The following TUBGCP5 variants were observed in gnomAD, a reference collection of about 807,000 sequenced individuals.
TUBGCP5 encodes tubulin gamma complex component 5.
Under a neutral mutation model 134.7 loss-of-function variants are expected in TUBGCP5, and 98 were observed. The observed-to-expected ratio is 0.73, with a 90% confidence interval of 0.62 to 0.86. The LOEUF is 0.86. TUBGCP5 is among the 40% of genes least tolerant of loss of function. The probability of loss-of-function intolerance (pLI) is 0.00; values close to 1 mark genes in which losing one functional copy is unlikely to be tolerated. For synonymous variants in TUBGCP5, 456 were observed against 431.4 expected (o/e 1.06, Z -0.71); for missense variants, 1,150 against 1,244.8 (o/e 0.92, Z 1.15).
In TUBGCP5 at chr15:23,036,878, C is replaced by T. The variant is rs191350739; in HGVS notation, c.309+19G>A. 2,778 of 1,435,646 alleles carry T rather than the reference C, an allele frequency of 1.9e-3. 9 individuals carry two copies. Among genetic ancestry groups the T allele is most frequent in the Non-Finnish European group, 1.9e-3 (1,945 of 1,026,110 alleles). 88.9% of individuals were successfully genotyped at this position (1,435,646 alleles called of 1,614,324 possible). On this transcript the variant is annotated intron_variant, in intron 3 of 22. Coordinates refer to ENST00000615383, the MANE Select transcript of TUBGCP5 (RefSeq NM_052903.6). ...AAACAGTAAAATACACAGTGGAGAT[C>T]TCATAATTGAAGGCATACCTTTATT... is the stretch of plus-strand genomic sequence containing the variant.
rs2064316444 is a variant in TUBGCP5, at chr15:23,000,624, A to G, written c.2973T>C (p.His991=). 6.2e-7 allele frequency: 1 copy of G among 1,608,704 alleles called. No homozygotes were observed. The highest frequency in any genetic ancestry group is 1.1e-5 in the South Asian group (1 of 90,330). ...EKMESDFKNC[H]MFLVTILNKA... ...TGTTTAAAATGGTTACAAGAAACAT[A>G]TGGCAGTTTTTAAAATCAGATTCCA... The change falls in exon 22 of 23, where the codon CAT becomes CAC. Residue 991 remains histidine (H), a synonymous_variant. Coordinates refer to ENST00000615383, the MANE Select transcript of TUBGCP5 (RefSeq NM_052903.6).
intron 13 of TUBGCP5, among the ~76,000 whole-genome samples, chr15:23,011,748 T>C (rs2065044753): frequency 7.0e-6 from 1 of 143,566 alleles, no homozygotes; most frequent in Admixed American, 6.9e-5. Flanking sequence ...TGAGCTTAAG[T>C]GATCCACCCG....
In TUBGCP5 at chr15:23,026,171, C is replaced by T. The variant is rs145668941; in HGVS notation, c.772G>A (p.Val258Ile). Residue 258 changes from valine to isoleucine, a missense_variant, in exon 8 of 23, where the codon GTT becomes ATT. Physicochemically the swap from Val to Ile is conservative, Grantham distance 29. Around this residue, in one of 2 missense-constraint regions of TUBGCP5, gnomAD observed 453 missense variants for 394.7 expected, o/e 1.15. Transcript: ENST00000615383. Reference protein sequence around the residue: ...QHLYSSDPLYVPDDRVLVTET... With the variant: ...QHLYSSDPLYIPDDRVLVTET... ...GTAACCAAAACCCTGTCATCTGGAA[C>T]ATACAATGGATCACTGCTGTACAAG... 9.8e-3 allele frequency: 15,850 copies of T among 1,611,894 alleles called. 137 individuals are homozygous for T. The highest frequency in any genetic ancestry group is 0.012 in the Non-Finnish European group (14,083 of 1,179,348).
intron 23 of TUBGCP5, among the ~76,000 whole-genome samples, chr15:22,985,586 T>C (rs1406723833): frequency 6.6e-6 from 1 of 152,030 alleles, no homozygotes; most frequent in African/African-American, 2.4e-5. Flanking sequence ...AGTGCACAAA[T>C]AGGAGAATGG....
rs758564705 is a variant in TUBGCP5, at chr15:23,022,121, T to C, written c.1209A>G (p.Ala403=). 8.7e-6 allele frequency: 14 copies of C among 1,614,190 alleles called. No homozygotes were observed. The highest frequency in any genetic ancestry group is 1.2e-5 in the Non-Finnish European group (14 of 1,180,038). The part of the protein sequence containing the change: ...ITLAIVVDKL[A]PRLSQLKVLH... ...GAACCTTGAGCTGAGACAATCGAGG[T>C]GCCAACTTGTCCACCACTATTGCAA... The change falls in exon 11 of 23, where the codon GCA becomes GCG. Residue 403 remains alanine, a synonymous_variant. Coordinates refer to ENST00000615383, the MANE Select transcript of TUBGCP5 (RefSeq NM_052903.6).
intron 23 of TUBGCP5, among the ~76,000 whole-genome samples, chr15:22,989,471 AC>A (rs554886882): frequency 3.5e-4 from 42 of 120,992 alleles, no homozygotes; most frequent in South Asian, 9.5e-4. Context: ...ACCACAACCC[AC>A]CCCCTGTTAA....
In TUBGCP5 at chr15:23,036,891, G is replaced by A. The variant is rs778069098; in HGVS notation, c.309+6C>T. 12 of 1,528,890 alleles carry A rather than the reference G, an allele frequency of 7.8e-6. No individual in the cohort carries two copies. Among genetic ancestry groups the A allele is most frequent in the Non-Finnish European group, 1.1e-5 (12 of 1,108,500 alleles). The allele number at this position is 1,528,890 out of a possible 1,614,324, so 94.7% of individuals were successfully genotyped here. A position where few individuals can be genotyped will look rare whatever the true frequency, so the allele number is the denominator to read the frequency against. On this transcript the variant is annotated splice_donor_region_variant and intron_variant, in intron 3 of 22. Coordinates refer to ENST00000615383, the MANE Select transcript of TUBGCP5 (RefSeq NM_052903.6). ...CACAGTGGAGATCTCATAATTGAAG[G>A]CATACCTTTATTTCCTTTATACTGG...
At chr15:23,035,563 A>G (rs1008451540) in intron 3 of TUBGCP5, among the ~76,000 whole-genome samples, 1 of 152,032 alleles carries the variant, frequency 6.6e-6, no homozygotes, top group African/African-American at 2.4e-5. Context: ...TTGCTCTCCT[A>G]TGAGAATCTA....
chr15:23,012,824 GGGC>G (rs1158233492), intron 13 of TUBGCP5, among the ~76,000 whole-genome samples: 1 of 152,174 alleles, frequency 6.6e-6, no homozygotes, highest in East Asian at 1.9e-4. Context: ...AATGCCAGAA[GGGC>G]TGGTTGTGGT....
intron 1 of TUBGCP5, among the ~76,000 whole-genome samples, chr15:23,037,850 C>T (rs947171259): frequency 4.6e-5 from 7 of 152,146 alleles, no homozygotes; most frequent in African/African-American, 9.7e-5. Flanking sequence ...GTGCAAGCTC[C>T]GCCTCCTGGG....
intron 3 of TUBGCP5, among the ~76,000 whole-genome samples, chr15:23,036,003 T>C (rs1177326610): frequency 6.6e-6 from 1 of 152,158 alleles, no homozygotes; most frequent in Non-Finnish European, 1.5e-5. Context: ...CTGAGTTTAA[T>C]ATTAAAACGT....
At chr15:23,005,114 A>C (rs1348224833) in intron 19 of TUBGCP5, among the ~76,000 whole-genome samples, 1 of 152,178 alleles carries the variant, frequency 6.6e-6, no homozygotes, top group African/African-American at 2.4e-5. Flanking sequence ...GCCATTTTTT[A>C]GGGACAGCTG....
chr15:22,995,459 T>G (rs1445723262), downstream of TUBGCP5, among the ~76,000 whole-genome samples: 1 of 151,170 alleles, frequency 6.6e-6, no homozygotes, highest in Non-Finnish European at 1.5e-5. Flanking sequence ...TTAAAGACAT[T>G]GTGTAACCTA....
chr15:23,008,765 T>C lies in TUBGCP5; in HGVS notation c.2261A>G (p.Asn754Ser), dbSNP rs762134195. The change falls in exon 16 of 23, where the codon AAT (asparagine) becomes AGT (serine). Residue 754 changes from asparagine (N) to serine (S), a missense_variant. Asn to Ser is a conservative substitution (Grantham distance 46). Around this residue, in one of 2 missense-constraint regions of TUBGCP5, gnomAD observed 697 missense variants for 850.1 expected, o/e 0.82. Coordinates refer to ENST00000615383, the MANE Select transcript of TUBGCP5 (RefSeq NM_052903.6). ...GAGTTGGACATTAAGAAAAGACACA[T>C]TCTGCCATGTTTCCTTTTCTCTTAT... is the stretch of plus-strand genomic sequence containing the variant. ...DKIREKETWQ[N>S]VSFLNVQLQE... 2 of 1,609,228 alleles carry C rather than the reference T, an allele frequency of 1.2e-6. No homozygotes were observed. The highest frequency in any genetic ancestry group is 1.1e-5 in the South Asian group (1 of 89,580).
chr15:23,026,401 T>A (rs952594994), intron 7 of TUBGCP5, among the ~76,000 whole-genome samples, 196 bp from the exon 8 acceptor site: 15 of 152,182 alleles, frequency 9.9e-5, no homozygotes, highest in Non-Finnish European at 2.1e-4. Context: ...ACAATTACAA[T>A]TGTTACGTTT....
downstream of TUBGCP5, among the ~76,000 whole-genome samples, chr15:22,995,585 AAAAAC>A (rs1338554317): frequency 6.6e-6 from 1 of 151,432 alleles, no homozygotes; most frequent in Non-Finnish European, 1.5e-5. Context: ...AAAAAAAAAA[AAAAAC>A]AAAACAAAAA....
At chr15:23,009,869 G>C in intron 15 of TUBGCP5, 76 bp downstream of exon 15, 4 of 1,362,330 alleles carry the variant, frequency 2.9e-6, no homozygotes, top group East Asian at 4.7e-5. Context: ...AATTGAAATA[G>C]GTTTTAAAAT....
intron 8 of TUBGCP5, among the ~76,000 whole-genome samples, chr15:23,025,830 C>CAA (rs553348558): frequency 3.5e-4 from 22 of 62,244 alleles, no homozygotes; most frequent in African/African-American, 1.2e-3. Flanking sequence ...GACTCCGTCT[C>CAA]AAAAAAAAAA....
chr15:23,019,312 CAGAG>C lies in TUBGCP5; in HGVS notation c.1390_1393del (p.Leu464GlyfsTer63), dbSNP rs762047117. 6.2e-7 allele frequency: 1 copy of C among 1,613,830 alleles called. No homozygotes were observed. The highest frequency in any genetic ancestry group is 8.5e-7 in the Non-Finnish European group (1 of 1,179,888). On this transcript the variant is annotated frameshift_variant, in exon 12 of 23. Transcript: ENST00000615383. LOFTEE classifies it high-confidence loss of function. ...CAGGTAAGGCCGCACCGTTTCCACC[CAGAG>C]AGAGAAAAGGAGGGAGACCTGAGGC...
Sources: gnomAD v4.1 joint callset for allele counts (sites outside exome capture counted in the v4.1 genomes callset) on GRCh38, gnomAD v4.1.1 for gene constraint, gnomAD v4.1.1 regional missense constraint, MANE v1.5 for transcripts, NCBI Gene and HGNC (gene_info 2026-07-23, HGNC 2026-07-21) for gene names.